The following TMEM87B variants were observed in gnomAD, a reference collection of about 807,000 sequenced individuals.
TMEM87B encodes transmembrane protein 87B.
TMEM87B carries 83 observed loss-of-function variants against 80.3 expected under a neutral mutation model. The ratio of observed to expected loss-of-function variants is 1.03; its 90% confidence interval spans 0.87 to 1.24. The LOEUF is 1.24. Ranked by LOEUF, TMEM87B falls within the 50% of genes most tolerant of loss-of-function variation. The pLI is 0.00. For missense variants in TMEM87B, 625 were observed against 674.4 expected, an observed-to-expected ratio of 0.93 and a Z score of 0.81; for synonymous variants, 219 against 230.5, an observed-to-expected ratio of 0.95 and a Z score of 0.45.
intron 1 of TMEM87B, among the ~76,000 whole-genome samples, chr2:112,058,117 G>A (rs1297518173): frequency 3.3e-5 from 5 of 152,186 alleles, no homozygotes; most frequent in African/African-American, 7.2e-5. Flanking sequence ...GTGAGCCACC[G>A]CACTCGGCCT....
chr2:112,086,254 C>T, intron 9 of TMEM87B, 150 bp downstream of exon 9: 1 of 544,550 alleles, frequency 1.8e-6, no homozygotes, highest in Non-Finnish European at 3.1e-6. Context: ...AAAAGATTTC[C>T]ACATACTTGC....
intron 1 of TMEM87B, 88 bp downstream of exon 1, chr2:112,055,844 C>G: frequency 7.2e-7 from 1 of 1,397,514 alleles, no homozygotes; most frequent in Non-Finnish European, 9.4e-7. Context: ...CTTGTTCACC[C>G]TGCCTCTGCC....
chr2:112,073,600 A>G (rs1050289747), intron 4 of TMEM87B, among the ~76,000 whole-genome samples: 2 of 152,180 alleles, frequency 1.3e-5, no homozygotes, highest in Admixed American at 1.3e-4. Flanking sequence ...AGTTCTGTAG[A>G]TGTCTATCAG....
intron 11 of TMEM87B, among the ~76,000 whole-genome samples, chr2:112,093,691 C>G (rs894776499): frequency 2.5e-4 from 38 of 152,028 alleles, no homozygotes; most frequent in African/African-American, 8.0e-4. Context: ...TTCATATTTT[C>G]TATGTTAAAA....
At chr2:112,067,140 T>G (rs1678459960) in intron 4 of TMEM87B, 73 bp downstream of exon 4, 2 of 1,548,896 alleles carry the variant, frequency 1.3e-6, no homozygotes, top group African/African-American at 2.8e-5. Context: ...AAGTAATGTT[T>G]TATCGGAATT....
At chr2:112,070,379 A>G (rs566848591) in intron 4 of TMEM87B, among the ~76,000 whole-genome samples, 44 of 152,346 alleles carry the variant, frequency 2.9e-4, no homozygotes, top group Middle Eastern at 3.4e-3. Flanking sequence ...GTCCAGTTTC[A>G]GTCTTCTGCA....
intron 14 of TMEM87B, among the ~76,000 whole-genome samples, chr2:112,099,843 A>G (rs1488934852): frequency 6.7e-6 from 1 of 148,396 alleles, no homozygotes; most frequent in African/African-American, 2.5e-5. Flanking sequence ...TGCCGCTGCT[A>G]CTGCACTCCA....
At chr2:112,098,022 C>T (rs549924378) in intron 13 of TMEM87B, among the ~76,000 whole-genome samples, 1 of 151,656 alleles carries the variant, frequency 6.6e-6, no homozygotes, top group South Asian at 2.1e-4. Context: ...GTCAGCCAGT[C>T]TGGAGCGCAG....
intron 10 of TMEM87B, among the ~76,000 whole-genome samples, chr2:112,090,827 T>C (rs937191387): frequency 3.3e-5 from 5 of 152,238 alleles, no homozygotes; most frequent in Admixed American, 3.3e-4. Context: ...ACCTAAAATG[T>C]CTTTGGATTA....
chr2:112,098,715 A>G lies in TMEM87B; in HGVS notation c.1376+17A>G, dbSNP rs1207775329. On this transcript the variant is annotated intron_variant, in intron 14 of 18. Coordinates refer to ENST00000283206, the MANE Select transcript of TMEM87B (RefSeq NM_032824.3). The stretch of plus-strand genomic sequence containing the variant: ...CAATCAGAGGTACCTAACATAGGAA[A>G]TTTCAAGTCGTCAAGGATTTGTTGA... 1 of 1,610,064 alleles carries G rather than the reference A, an allele frequency of 6.2e-7. No individual in the cohort carries two copies. Among genetic ancestry groups the G allele is most frequent in the East Asian group, 2.2e-5 (1 of 44,826 alleles).
intron 8 of TMEM87B, among the ~76,000 whole-genome samples, chr2:112,083,490 C>G (rs1438800074): frequency 6.6e-6 from 1 of 152,226 alleles, no homozygotes; most frequent in African/African-American, 2.4e-5. Flanking sequence ...TATTGGACAG[C>G]ACAGAGGTAG....
At chr2:112,072,351 T>C (rs1303925244) in intron 4 of TMEM87B, among the ~76,000 whole-genome samples, 1 of 152,198 alleles carries the variant, frequency 6.6e-6, no homozygotes, top group African/African-American at 2.4e-5. Context: ...TCAGTAGGAA[T>C]GGTACCAGCT....
At chr2:112,059,145 G>GT (rs1678168591) in intron 1 of TMEM87B, among the ~76,000 whole-genome samples, 1 of 152,072 alleles carries the variant, frequency 6.6e-6, no homozygotes, top group Non-Finnish European at 1.5e-5. Context: ...TCCTATCAGT[G>GT]TTTTTTGTTT....
chr2:112,108,353 T>G (rs1175921368), intron 17 of TMEM87B, among the ~76,000 whole-genome samples: 1 of 152,208 alleles, frequency 6.6e-6, no homozygotes, highest in Admixed American at 6.5e-5. Flanking sequence ...CATATTGGTC[T>G]TTCCCTCCCT....
At chr2:112,062,457 TTAGAAA>T (rs779951838) in intron 2 of TMEM87B, among the ~76,000 whole-genome samples, 3 of 152,254 alleles carry the variant, frequency 2.0e-5, no homozygotes, top group African/African-American at 4.8e-5. Context: ...TCAAAGAAAG[TTAGAAA>T]TAGAAGGAAA....
chr2:112,063,443 C>T (rs922402546), intron 2 of TMEM87B, among the ~76,000 whole-genome samples: 1 of 152,160 alleles, frequency 6.6e-6, no homozygotes, highest in African/African-American at 2.4e-5. Flanking sequence ...GAATTTTCCC[C>T]AGCACTCTTC....
At chr2:112,064,362 A>G (rs1212731882) in intron 3 of TMEM87B, 109 bp downstream of exon 3, 2 of 925,158 alleles carry the variant, frequency 2.2e-6, no homozygotes, top group Non-Finnish European at 1.6e-6. Flanking sequence ...ACAGTTTTAG[A>G]AGTGCTACAG....
intron 4 of TMEM87B, among the ~76,000 whole-genome samples, chr2:112,074,599 T>C (rs951333950): frequency 1.3e-5 from 2 of 152,192 alleles, no homozygotes; most frequent in African/African-American, 4.8e-5. Flanking sequence ...TGAATTTGAA[T>C]GTTGGCCCCT....
intron 11 of TMEM87B, among the ~76,000 whole-genome samples, chr2:112,096,191 C>T (rs1450114753): frequency 6.6e-6 from 1 of 152,170 alleles, no homozygotes; most frequent in African/African-American, 2.4e-5. Context: ...CTCTTTATAT[C>T]CACTGATCGA....
Sources: gnomAD v4.1 joint callset for allele counts (sites outside exome capture counted in the v4.1 genomes callset) on GRCh38, gnomAD v4.1.1 for gene constraint, MANE v1.5 for transcripts, NCBI Gene and HGNC (gene_info 2026-07-23, HGNC 2026-07-21) for gene names.